MICU2: variants seen among roughly 807,000 people sequenced by gnomAD.
MICU2 encodes mitochondrial calcium uptake 2.
MICU2 carries 64 observed loss-of-function variants against 60.4 expected under a neutral mutation model. The observed-to-expected ratio is 1.06, with a 90% CI of 0.87 to 1.31. The LOEUF is 1.31. Among genes scored for constraint, MICU2 ranks in the 50% most tolerant of loss-of-function variants. The pLI is 0.00. For missense variants in MICU2, 569 were observed against 531.0 expected, an observed-to-expected ratio of 1.07 and a Z score of -0.70; for synonymous variants, 201 against 175.0, an observed-to-expected ratio of 1.15 and a Z score of -1.17.
At chr13:21,520,476 C>T (rs1230982148) in intron 6 of MICU2, among the ~76,000 whole-genome samples, 2 of 152,162 alleles carry the variant, frequency 1.3e-5, no homozygotes, top group African/African-American at 2.4e-5. Flanking sequence ...CATTTATGTA[C>T]ACGCCTAATT....
Position 21,530,960 on chromosome 13 carries a change from G to C in MICU2, c.467-8310C>G, listed in dbSNP as rs1462753811. 14 of 772,426 alleles carry C rather than the reference G, an allele frequency of 1.8e-5. 1 individual carries two copies. Among genetic ancestry groups the C allele is most frequent in the Admixed American group, 3.5e-5 (2 of 57,420 alleles). 47.8% of individuals were successfully genotyped at this position (772,426 alleles called of 1,614,324 possible). ...AATCCTGTGGTCCAGATCATTTACA[G>C]TGACAAATATACACTCTGGAAATGA... On this transcript the variant is annotated intron_variant, in intron 4 of 11. Coordinates refer to ENST00000382374, the MANE Select transcript of MICU2 (RefSeq NM_152726.3).
At chr13:21,519,119 C>T (rs1394674073) in intron 6 of MICU2, among the ~76,000 whole-genome samples, 3 of 152,182 alleles carry the variant, frequency 2.0e-5, no homozygotes, top group Non-Finnish European at 2.9e-5. Flanking sequence ...TGCGATGGCA[C>T]GATCTCGGCT....
intron 4 of MICU2, among the ~76,000 whole-genome samples, chr13:21,534,312 T>C (rs563102912): frequency 6.6e-6 from 1 of 152,006 alleles, no homozygotes; most frequent in South Asian, 2.1e-4. Flanking sequence ...CAAGTGATTC[T>C]CTCCCACCTC....
intron 1 of MICU2, among the ~76,000 whole-genome samples, chr13:21,586,098 T>C (rs1402652428): frequency 2.0e-5 from 3 of 152,180 alleles, no homozygotes; most frequent in Admixed American, 6.6e-5. Context: ...CCTATATTTA[T>C]CATAATTGTT....
intron 1 of MICU2, among the ~76,000 whole-genome samples, chr13:21,587,547 T>C (rs925091050): frequency 6.6e-6 from 1 of 152,194 alleles, no homozygotes; most frequent in Admixed American, 6.5e-5. Flanking sequence ...ATTCTGGAGA[T>C]AGCCACTACT....
intron 9 of MICU2, among the ~76,000 whole-genome samples, chr13:21,500,740 A>G (rs562318434): frequency 7.3e-4 from 111 of 152,206 alleles, no homozygotes; most frequent in Admixed American, 2.8e-3. Flanking sequence ...ATTTTTAAAG[A>G]TCCCATTATA....
intron 4 of MICU2, among the ~76,000 whole-genome samples, chr13:21,538,686 T>G (rs185311010): frequency 3.3e-5 from 5 of 152,272 alleles, no homozygotes; most frequent in Admixed American, 1.3e-4. Flanking sequence ...TAGAGATGAT[T>G]TGAACTAAAT....
intron 1 of MICU2, among the ~76,000 whole-genome samples, chr13:21,569,999 A>G (rs919305101): frequency 6.6e-6 from 1 of 152,114 alleles, no homozygotes. Flanking sequence ...GGTAGTTGGG[A>G]AAGTTTTTAT....
chr13:21,563,388 G>C (rs777880700), intron 2 of MICU2, among the ~76,000 whole-genome samples: 1 of 151,872 alleles, frequency 6.6e-6, no homozygotes, highest in Non-Finnish European at 1.5e-5. Context: ...CCGGGAGGTG[G>C]AGCTTACAGT....
At chr13:21,517,225 G>A (rs1256249729) in intron 6 of MICU2, among the ~76,000 whole-genome samples, 1 of 152,104 alleles carries the variant, frequency 6.6e-6, no homozygotes. Context: ...CTGTATTTTA[G>A]GACATCTTCA....
chr13:21,553,929 C>A (rs1360364311), intron 2 of MICU2, among the ~76,000 whole-genome samples: 2 of 152,132 alleles, frequency 1.3e-5, no homozygotes, highest in Non-Finnish European at 1.5e-5. Flanking sequence ...TCAAAAGAGA[C>A]ACAGAAGGCC....
At position 21,521,557 on chromosome 13, in the gene MICU2, T is replaced by C. The variant is rs866138084; in HGVS notation, c.515-230A>G. 9.8e-5 allele frequency among the ~76,000 whole-genome samples: 15 copies of C among 152,344 alleles called. No homozygotes were observed. The South Asian group carries it at 2.9e-3, about 29-fold the overall frequency. On this transcript the variant is annotated intron_variant, in intron 5 of 11. Transcript: ENST00000382374. ...TAGGTGCTGCTGCTCTGCTAGTAAG[T>C]GTTCTCCCTTTCAATGCAAAATTAG...
In MICU2 at chr13:21,493,358, T is replaced by C. The variant is rs368651260; in HGVS notation, c.1201-5A>G. On this transcript the variant is annotated splice_region_variant and splice_polypyrimidine_tract_variant and intron_variant, in intron 11 of 11. Transcript: ENST00000382374. ...TATACTCTGATGTTGTGGTACCTGT[T>C]AACCGAAAGTAAAAATCAAGGGGTC... 9.2e-5 allele frequency: 146 copies of C among 1,582,856 alleles called. No homozygotes were observed. The East Asian group carries it at 1.9e-3, about 20-fold the overall frequency.
chr13:21,516,925 T>C (rs1176229602), intron 6 of MICU2, among the ~76,000 whole-genome samples: 1 of 152,202 alleles, frequency 6.6e-6, no homozygotes, highest in Non-Finnish European at 1.5e-5. Context: ...AACAGACCTG[T>C]CATTAATCTA....
intron 1 of MICU2, among the ~76,000 whole-genome samples, chr13:21,579,900 G>T (rs1016270047): frequency 6.6e-6 from 1 of 152,118 alleles, no homozygotes; most frequent in Admixed American, 6.5e-5. Flanking sequence ...TGCAGAATTT[G>T]CAGTATAACG....
chr13:21,547,452 T>C (rs538326974), intron 2 of MICU2, among the ~76,000 whole-genome samples: 2 of 152,230 alleles, frequency 1.3e-5, no homozygotes, highest in Non-Finnish European at 2.9e-5. Flanking sequence ...TGAAATGTTA[T>C]CAGACTTTAG....
intron 2 of MICU2, among the ~76,000 whole-genome samples, chr13:21,562,757 T>G (rs1257826454): frequency 6.6e-6 from 1 of 152,258 alleles, no homozygotes; most frequent in Admixed American, 6.5e-5. Context: ...GTTGCTATTA[T>G]TATTTTGATT....
At chr13:21,599,093 T>C (rs1888760070) in intron 1 of MICU2, among the ~76,000 whole-genome samples, 1 of 152,186 alleles carries the variant, frequency 6.6e-6, no homozygotes, top group Non-Finnish European at 1.5e-5. Flanking sequence ...TGATCTGAGG[T>C]GCAACAGTTG....
At chr13:21,595,066 C>G (rs1468903213) in intron 1 of MICU2, among the ~76,000 whole-genome samples, 1 of 151,964 alleles carries the variant, frequency 6.6e-6, no homozygotes, top group African/African-American at 2.4e-5. Flanking sequence ...GAATAAAAAC[C>G]AGAAACTTAA....
Sources: gnomAD v4.1 joint callset for allele counts (sites outside exome capture counted in the v4.1 genomes callset) on GRCh38, gnomAD v4.1.1 for gene constraint, MANE v1.5 for transcripts, NCBI Gene and HGNC (gene_info 2026-07-23, HGNC 2026-07-21) for gene names.